TRNAU1AP: variants seen among roughly 807,000 people sequenced by gnomAD.
TRNAU1AP encodes tRNA selenocysteine 1 associated protein 1, also known as tRNA selenocysteine 1-associated protein 1.
A neutral mutation model predicts 43.3 loss-of-function variants in TRNAU1AP; 33 were observed. The observed-to-expected ratio is 0.76, with a 90% CI of 0.58 to 1.02. The LOEUF is 1.02. Among genes scored for constraint, TRNAU1AP ranks in the 50% least tolerant of loss-of-function variants. The pLI is 0.00. For missense variants in TRNAU1AP, 290 were observed against 362.7 expected, an observed-to-expected ratio of 0.80 and a Z score of 1.63; for synonymous variants, 143 against 129.1, an observed-to-expected ratio of 1.11 and a Z score of -0.73.
chr1:28,562,427 G>GA (rs1240977602), intron 4 of TRNAU1AP, among the ~76,000 whole-genome samples: 2 of 151,062 alleles, frequency 1.3e-5, no homozygotes, highest in African/African-American at 2.4e-5. Context: ...TGTTGAAAAT[G>GA]AAAAAAAATA....
Position 28,577,699 on chromosome 1 carries a change from T to C in TRNAU1AP, c.*63T>C, listed in dbSNP as rs1201247543. On this transcript the variant is annotated 3_prime_UTR_variant, in exon 9 of 9. Coordinates refer to ENST00000373830, the MANE Select transcript of TRNAU1AP (RefSeq NM_017846.5). Reference sequence around the variant, plus strand: ...GAGATGAGAGACTCCTTTTTAAAAATTGTGAAACCTTTTTGGAAATATGAT... The same window carrying C: ...GAGATGAGAGACTCCTTTTTAAAAACTGTGAAACCTTTTTGGAAATATGAT... The C allele has an allele frequency of 1.3e-6, 2 of 1,506,196 alleles. No homozygotes were observed. The highest frequency in any genetic ancestry group is 1.8e-6 in the Non-Finnish European group (2 of 1,116,018). The allele number at this position is 1,506,196 out of a possible 1,614,324, so 93.3% of individuals were successfully genotyped here.
chr1:28,564,841 C>T lies in TRNAU1AP; in HGVS notation c.410+7C>T, dbSNP rs140844540. ...ACCAGACAGGCGTGTCTAAGTAAGGCCTTACTTGTTACTGATGCTTAACTG... is the reference window on the plus strand; with the variant it reads ...ACCAGACAGGCGTGTCTAAGTAAGGTCTTACTTGTTACTGATGCTTAACTG... On this transcript the variant is annotated splice_region_variant and intron_variant, in intron 5 of 8. Coordinates refer to ENST00000373830, the MANE Select transcript of TRNAU1AP (RefSeq NM_017846.5). 4 of 1,613,846 alleles carry T rather than the reference C, an allele frequency of 2.5e-6. No individual in the cohort carries two copies. In the African/African-American group the frequency reaches 5.3e-5, roughly 22 times the overall value.
intron 4 of TRNAU1AP, 47 bp from the exon 5 acceptor site, chr1:28,564,656 A>C (rs1665496587): frequency 6.3e-7 from 1 of 1,585,598 alleles, no homozygotes; most frequent in South Asian, 1.1e-5. Flanking sequence ...TTTTCAGAGC[A>C]GAGGTTTTGG....
intron 5 of TRNAU1AP, chr1:28,565,138 G>T: frequency 3.0e-6 from 1 of 332,968 alleles, no homozygotes; most frequent in South Asian, 3.0e-5. Flanking sequence ...TGCTTTATAG[G>T]TGTTTGCTGT....
At chr1:28,575,246 A>C (rs541967157) in intron 8 of TRNAU1AP, among the ~76,000 whole-genome samples, 27 of 151,034 alleles carry the variant, frequency 1.8e-4, no homozygotes, top group African/African-American at 6.3e-4. Flanking sequence ...CCTCTGCCTC[A>C]CAGGTTCAAG....
At chr1:28,567,181 C>G in intron 5 of TRNAU1AP, 113 bp from the exon 6 acceptor site, 12 of 1,164,078 alleles carry the variant, frequency 1.0e-5, no homozygotes, top group Non-Finnish European at 1.5e-5. Flanking sequence ...TCTTCTCAGC[C>G]TCTTTTCCTT....
At chr1:28,553,158 G>A in intron 1 of TRNAU1AP, 21 bp downstream of exon 1, 2 of 1,498,736 alleles carry the variant, frequency 1.3e-6, no homozygotes, top group Non-Finnish European at 8.9e-7. Flanking sequence ...GCAGCCGTCC[G>A]GGGTCTGAAG....
chr1:28,566,675 C>T (rs573148567), intron 5 of TRNAU1AP, among the ~76,000 whole-genome samples: 3 of 150,132 alleles, frequency 2.0e-5, no homozygotes, highest in East Asian at 3.9e-4. Context: ...AGAAGAATGG[C>T]GTGAACATGG....
At chr1:28,577,391 G>A in intron 8 of TRNAU1AP, 109 bp from the exon 9 acceptor site, 1 of 1,217,540 alleles carries the variant, frequency 8.2e-7, no homozygotes, top group Non-Finnish European at 1.1e-6. Context: ...AAAGAAACTG[G>A]CAGGATAGGG....
chr1:28,553,191 C>T, intron 1 of TRNAU1AP, 54 bp downstream of exon 1: 2 of 1,445,168 alleles, frequency 1.4e-6, no homozygotes, highest in Non-Finnish European at 1.8e-6. Context: ...CTCGGTTTCG[C>T]GAGAGAGGAA....
intron 6 of TRNAU1AP, among the ~76,000 whole-genome samples, chr1:28,569,322 G>A (rs1665608621): frequency 6.6e-6 from 1 of 152,096 alleles, no homozygotes; most frequent in Non-Finnish European, 1.5e-5. Context: ...TTGAGCCTAG[G>A]AGTTCAAGGT....
At chr1:28,556,509 CT>C (rs1158772133) in intron 2 of TRNAU1AP, among the ~76,000 whole-genome samples, 4,993 of 129,834 alleles carry the variant, frequency 0.038, 258 homozygotes, top group African/African-American at 0.13. Flanking sequence ...ACATTTTAAT[CT>C]TTTTTTTTTT....
At chr1:28,562,072 G>T (rs541421892) in intron 4 of TRNAU1AP, among the ~76,000 whole-genome samples, 1 of 152,330 alleles carries the variant, frequency 6.6e-6, no homozygotes, top group South Asian at 2.1e-4. Flanking sequence ...AACAGAGTGA[G>T]ACCCTGTCTT....
At chr1:28,555,154 T>A (rs1321674498) in intron 2 of TRNAU1AP, among the ~76,000 whole-genome samples, 1 of 149,230 alleles carries the variant, frequency 6.7e-6, no homozygotes, top group Admixed American at 6.7e-5. Context: ...CGCTTGAACT[T>A]GGGAGGCAGA....
rs189297092 is a variant in TRNAU1AP at position 28,577,484 on chromosome 1, C to T, written c.728-16C>T. 8 of 1,610,894 alleles carry T rather than the reference C, an allele frequency of 5.0e-6. No homozygotes were observed. The highest frequency in any genetic ancestry group is 1.7e-5 in the Admixed American group (1 of 59,814). ...GTCCCTAGACTTCCCTGACCCCATC[C>T]TTGCTTGCTTTCCAGACCCCATGCC... is the stretch of plus-strand genomic sequence containing the variant. On this transcript the variant is annotated splice_polypyrimidine_tract_variant and intron_variant, in intron 8 of 8. Coordinates refer to ENST00000373830, the MANE Select transcript of TRNAU1AP (RefSeq NM_017846.5).
Position 28,569,991 on chromosome 1 carries a change from ACTCT to A in TRNAU1AP, c.531-1181_531-1178del, listed in dbSNP as rs777486167. On this transcript the variant is annotated intron_variant, in intron 6 of 8. Coordinates refer to ENST00000373830, the MANE Select transcript of TRNAU1AP (RefSeq NM_017846.5). The stretch of plus-strand genomic sequence containing the variant: ...ACTCCAGCCTGGGCGACAGAGCAAG[ACTCT>A]CTCAAAACAACAACAAAAAAAACGA... Among the ~76,000 whole-genome samples the A allele has an allele frequency of 7.3e-5, 11 of 150,820 alleles. 1 individual carries two copies. The highest frequency in any genetic ancestry group is 1.6e-4 in the Non-Finnish European group (11 of 67,850).
At chr1:28,567,234 G>T in intron 5 of TRNAU1AP, 60 bp from the exon 6 acceptor site, 1 of 1,569,546 alleles carries the variant, frequency 6.4e-7, no homozygotes, top group Admixed American at 1.9e-5. Context: ...TCTTTTTCAT[G>T]TGTCCATTCT....
At chr1:28,574,371 A>T (rs1473610793) in intron 8 of TRNAU1AP, among the ~76,000 whole-genome samples, 1 of 152,070 alleles carries the variant, frequency 6.6e-6, no homozygotes, top group East Asian at 1.9e-4. Context: ...TACAGGCATG[A>T]GCCACTGTGC....
At chr1:28,573,119 C>T (rs1485551727) in intron 8 of TRNAU1AP, among the ~76,000 whole-genome samples, 7 of 148,106 alleles carry the variant, frequency 4.7e-5, no homozygotes, top group South Asian at 4.2e-4. Flanking sequence ...ACTGCAAGCC[C>T]GCCTCCCGGG....
Sources: allele counts gnomAD v4.1 joint callset (sites outside exome capture counted in the v4.1 genomes callset), GRCh38; gene constraint gnomAD v4.1.1; transcripts MANE v1.5; gene names NCBI Gene and HGNC (gene_info 2026-07-23, HGNC 2026-07-21).